DAPK1: variants seen among roughly 807,000 people sequenced by gnomAD.
DAPK1 encodes the protein death-associated protein kinase 1.
DAPK1 carries 56 observed loss-of-function variants against 144.9 expected under a neutral mutation model. The observed-to-expected ratio is 0.39, with a 90% CI of 0.31 to 0.48. DAPK1 has a LOEUF of 0.48. Among genes scored for constraint, DAPK1 ranks in the 20% least tolerant of loss-of-function variants. DAPK1 has a pLI of 0.95. For synonymous variants in DAPK1, 690 were observed against 749.0 expected (o/e 0.92, Z 1.29); for missense variants, 1,454 against 1,875.4 (o/e 0.78, Z 4.15).
chr9:87,544,813 C>T (rs1298444893), intron 2 of DAPK1, among the ~76,000 whole-genome samples: 1 of 152,112 alleles, frequency 6.6e-6, no homozygotes, highest in Non-Finnish European at 1.5e-5. Flanking sequence ...TACGAGTACC[C>T]AAAATGCAGG....
chr9:87,500,979 T>C (rs995913265), intron 2 of DAPK1, among the ~76,000 whole-genome samples: 11 of 152,174 alleles, frequency 7.2e-5, no homozygotes, highest in Non-Finnish European at 1.5e-4. Context: ...TGAATGATTG[T>C]TTTTTGGAAA....
intron 2 of DAPK1, among the ~76,000 whole-genome samples, chr9:87,522,203 C>A (rs1476136878): frequency 6.6e-6 from 1 of 151,988 alleles, no homozygotes; most frequent in Non-Finnish European, 1.5e-5. Flanking sequence ...TTATGGAGAA[C>A]AAGAGTTATA....
At chr9:87,520,977 G>C (rs1445176827) in intron 2 of DAPK1, among the ~76,000 whole-genome samples, 1 of 152,198 alleles carries the variant, frequency 6.6e-6, no homozygotes, top group Non-Finnish European at 1.5e-5. Flanking sequence ...ACCTATGACT[G>C]ACAATGGTTT....
In DAPK1 at chr9:87,632,578, AGGG is replaced by A. The variant is rs1564032858; in HGVS notation, c.285-5364_285-5362del. 5.1e-6 allele frequency: 5 copies of A among 975,218 alleles called. No homozygotes were observed. In the African/African-American group the frequency reaches 7.0e-5, roughly 14 times the overall value. The allele number at this position is 975,218 out of a possible 1,614,324, so 60.4% of individuals were successfully genotyped here. ...GATGAAGGAGGATGAGTATACATGT[AGGG>A]ATGAAGGAGGATGAGTATGTATATA... is the stretch of plus-strand genomic sequence containing the variant. On this transcript the variant is annotated intron_variant, in intron 3 of 25. Coordinates refer to ENST00000408954, the MANE Select transcript of DAPK1 (RefSeq NM_004938.4).
chr9:87,519,384 C>T (rs895654777), intron 2 of DAPK1, among the ~76,000 whole-genome samples: 20 of 152,336 alleles, frequency 1.3e-4, no homozygotes, highest in South Asian at 2.1e-4. Flanking sequence ...TGTCCCCCTT[C>T]GCTGCAACCC....
intron 3 of DAPK1, 148 bp from the exon 4 acceptor site, chr9:87,637,795 C>T (rs1829953514): frequency 2.3e-6 from 2 of 859,060 alleles, no homozygotes; most frequent in South Asian, 2.5e-5. Flanking sequence ...ACAACCTGCA[C>T]AGAGAATTCT....
At chr9:87,639,745 T>C (rs766654156) in intron 6 of DAPK1, 44 bp from the exon 7 acceptor site, 2 of 1,612,958 alleles carry the variant, frequency 1.2e-6, no homozygotes, top group Non-Finnish European at 8.5e-7. Context: ...TTTATTTGAC[T>C]ATTCTTCTGA....
chr9:87,643,113 A>G (rs1830151882), intron 10 of DAPK1, among the ~76,000 whole-genome samples: 1 of 152,186 alleles, frequency 6.6e-6, no homozygotes, highest in African/African-American at 2.4e-5. Flanking sequence ...CTGTAGTTCA[A>G]TAATGAAACA....
Position 87,707,118 on chromosome 9 carries a change from TC to T in DAPK1, c.4050del (p.Lys1351ArgfsTer30). The T allele has an allele frequency of 6.2e-7, 1 of 1,613,832 alleles. No homozygotes were observed. The highest frequency in any genetic ancestry group is 8.5e-7 in the Non-Finnish European group (1 of 1,179,862). ...VAKYNTSNGAPKDFLPSPLHA... is the reference protein window; with the variant it reads ...VAKYNTSNGAXKDFLPSPLHA... ...CAAAGTACAACACCAGTAACGGGGCTCCCAAGGATTTCCTCCCCAGCCCCCT... is the reference window on the plus strand; with the variant it reads ...CAAAGTACAACACCAGTAACGGGGCTCCAAGGATTTCCTCCCCAGCCCCCT... On this transcript the variant is annotated frameshift_variant, in exon 26 of 26. Transcript: ENST00000408954. LOFTEE classifies it high-confidence loss of function. This position sits in a 1 kb window ranked among gnomAD's most constrained non-coding sequence, Gnocchi z 4.0.
At chr9:87,532,832 C>T (rs148154408) in intron 2 of DAPK1, among the ~76,000 whole-genome samples, 76 of 152,256 alleles carry the variant, frequency 5.0e-4, no homozygotes, top group African/African-American at 1.4e-3. Flanking sequence ...CCAATTTGCC[C>T]TCCACCCAGA....
chr9:87,590,438 C>T (rs1349838221), intron 2 of DAPK1, among the ~76,000 whole-genome samples: 1 of 150,674 alleles, frequency 6.6e-6, no homozygotes, highest in East Asian at 1.9e-4. Context: ...ATTTTGTGTC[C>T]TATATTCCTA....
chr9:87,512,980 G>T (rs1369739126), intron 2 of DAPK1, among the ~76,000 whole-genome samples: 1 of 152,140 alleles, frequency 6.6e-6, no homozygotes, highest in Non-Finnish European at 1.5e-5. Context: ...ATTATTTCTT[G>T]TTCTTTGGGC....
intron 3 of DAPK1, among the ~76,000 whole-genome samples, chr9:87,623,324 C>T (rs1564028412): frequency 6.6e-6 from 1 of 152,200 alleles, no homozygotes; most frequent in South Asian, 2.1e-4. Flanking sequence ...TCCTTTTCCA[C>T]ACAGGCTGGA....
intron 2 of DAPK1, among the ~76,000 whole-genome samples, chr9:87,559,310 CTAGGG>C (rs1475910355): frequency 7.3e-6 from 1 of 136,686 alleles, no homozygotes; most frequent in African/African-American, 3.6e-5. Flanking sequence ...GTAGGCTAGG[CTAGGG>C]TAGGGTAGGG....
intron 2 of DAPK1, among the ~76,000 whole-genome samples, chr9:87,551,109 G>A (rs1012579438): frequency 6.6e-6 from 1 of 152,008 alleles, no homozygotes; most frequent in African/African-American, 2.4e-5. Context: ...CACAGATCCT[G>A]CTTCTTAAAA....
chr9:87,505,400 TG>T (rs1334726104), intron 2 of DAPK1, among the ~76,000 whole-genome samples: 1 of 152,226 alleles, frequency 6.6e-6, no homozygotes, highest in Non-Finnish European at 1.5e-5. Context: ...TGTTTGATTT[TG>T]TTTTGTTTTT....
chr9:87,679,891 C>T lies in DAPK1; in HGVS notation c.2002-1513C>T, dbSNP rs1824542523. The stretch of plus-strand genomic sequence containing the variant: ...TTGTCCCATTACTGCCCTAAAGGAT[C>T]CAGACACCTCCACACAGAGAGGGAC... On this transcript the variant is annotated intron_variant, in intron 19 of 25. Coordinates refer to ENST00000408954, the MANE Select transcript of DAPK1 (RefSeq NM_004938.4). Among the ~76,000 whole-genome samples the T allele has an allele frequency of 2.0e-5, 3 of 152,234 alleles. No homozygotes were observed. In the East Asian group the frequency reaches 5.8e-4, roughly 29 times the overall value.
intron 2 of DAPK1, among the ~76,000 whole-genome samples, chr9:87,598,894 T>A (rs1258981451): frequency 6.6e-6 from 1 of 152,198 alleles, no homozygotes; most frequent in Non-Finnish European, 1.5e-5. Flanking sequence ...CTTCCTGAAT[T>A]CACAAACATG....
At chr9:87,651,817 G>A (rs547670585) in intron 17 of DAPK1, 93 bp downstream of exon 17, 2 of 1,131,122 alleles carry the variant, frequency 1.8e-6, no homozygotes, top group Admixed American at 2.0e-5. Context: ...CTGATCCCAG[G>A]TCCTGATTCT....
Sources: gnomAD v4.1 joint callset for allele counts (sites outside exome capture counted in the v4.1 genomes callset) on GRCh38, gnomAD v4.1.1 for gene constraint, Gnocchi (gnomAD v3.1) non-coding constraint, MANE v1.5 for transcripts, NCBI Gene and HGNC (gene_info 2026-07-23, HGNC 2026-07-21) for gene names.